The following GRM4 variants were observed in gnomAD, a reference collection of about 807,000 sequenced individuals.
GRM4 encodes metabotropic glutamate receptor 4.
GRM4 carries 28 observed loss-of-function variants against 81.7 expected under a neutral mutation model. The ratio of observed to expected loss-of-function variants is 0.34; its 90% CI spans 0.25 to 0.47. The LOEUF is 0.47. Ranked by LOEUF, GRM4 falls within the 20% of genes least tolerant of loss-of-function variation. The pLI, the probability that GRM4 is intolerant of heterozygous loss-of-function variation, is 1.00. For missense variants in GRM4, 948 were observed against 1,290.0 expected (o/e 0.73, Z 4.06); for synonymous variants, 488 against 528.8 (o/e 0.92, Z 1.06).
At chr6:34,107,859 C>G (rs1282750222) in intron 2 of GRM4, among the ~76,000 whole-genome samples, 3 of 152,152 alleles carry the variant, frequency 2.0e-5, no homozygotes. Flanking sequence ...GAAATACAAC[C>G]CTCCCTCAAA....
rs1400774645 is a variant in GRM4, at chr6:34,022,726, A to T, written c.*95T>A. On this transcript the variant is annotated 3_prime_UTR_variant, in exon 11 of 11. Coordinates refer to ENST00000538487, the MANE Select transcript of GRM4 (RefSeq NM_000841.4). This position sits in a 1 kb window ranked among gnomAD's most constrained non-coding sequence, Gnocchi z 5.6. The stretch of plus-strand genomic sequence containing the variant: ...GCCACGTCCGTGGGTGCCCACGGGC[A>T]GGCAAGACAGCTGGGCCCTTGGGTG... 2 of 1,122,094 alleles carry T rather than the reference A, an allele frequency of 1.8e-6. No individual in the cohort carries two copies. Among genetic ancestry groups the T allele is most frequent in the Admixed American group, 3.4e-5 (2 of 58,014 alleles). The allele number at this position is 1,122,094 out of a possible 1,614,324, so 69.5% of individuals were successfully genotyped here.
At chr6:34,113,553 G>T (rs1042470402) in intron 2 of GRM4, among the ~76,000 whole-genome samples, 13 of 152,190 alleles carry the variant, frequency 8.5e-5, no homozygotes, top group African/African-American at 2.9e-4. Context: ...AGTAGCTGGA[G>T]GTCCCAGCTT....
At chr6:34,039,885 A>C (rs1764912725) in intron 8 of GRM4, among the ~76,000 whole-genome samples, 1 of 142,610 alleles carries the variant, frequency 7.0e-6, no homozygotes, top group Non-Finnish European at 1.5e-5. Flanking sequence ...GAATTCTTCT[A>C]TCCAGAGTCC....
intron 2 of GRM4, among the ~76,000 whole-genome samples, chr6:34,112,903 C>G (rs912753477): frequency 1.3e-5 from 2 of 152,236 alleles, no homozygotes; most frequent in African/African-American, 4.8e-5. Context: ...CTCTTCCCTG[C>G]AGCTTTGAAT....
At chr6:34,033,098 A>G (rs1044238452) in intron 9 of GRM4, among the ~76,000 whole-genome samples, 2 of 152,126 alleles carry the variant, frequency 1.3e-5, no homozygotes, top group South Asian at 4.1e-4. Context: ...CTCAGCAGGG[A>G]GGGTCTCCCA....
chr6:34,073,751 G>A (rs1373388265), intron 3 of GRM4, among the ~76,000 whole-genome samples: 3 of 152,118 alleles, frequency 2.0e-5, no homozygotes, highest in East Asian at 1.9e-4. Flanking sequence ...TCCTTGCTGA[G>A]TCTCCCCAGT....
chr6:34,050,256 G>T (rs1394017812), intron 6 of GRM4, among the ~76,000 whole-genome samples: 2 of 152,162 alleles, frequency 1.3e-5, no homozygotes, highest in Non-Finnish European at 2.9e-5. Flanking sequence ...CGGCCTTCAG[G>T]TGTTTGCTCC....
In GRM4 at chr6:34,028,113, C is replaced by T. The variant is rs752200220; in HGVS notation, c.2689+7G>A. 4 of 1,608,440 alleles carry T rather than the reference C, an allele frequency of 2.5e-6. No homozygotes were observed. Among genetic ancestry groups the T allele is most frequent in the South Asian group, 2.2e-5 (2 of 90,654 alleles). ...CCCGAGAGGGCAGAACGGGGCCAGG[C>T]ACTCACCTGGGGCCTCAAGGTTCTC... On this transcript the variant is annotated splice_region_variant and intron_variant, in intron 10 of 10. Coordinates refer to ENST00000538487, the MANE Select transcript of GRM4 (RefSeq NM_000841.4).
intron 2 of GRM4, chr6:34,103,529 C>A (rs1251704267): frequency 4.3e-6 from 6 of 1,395,482 alleles, no homozygotes; most frequent in Non-Finnish European, 4.9e-6. Context: ...ATCCTCAAAT[C>A]AGCACTTGTC....
intron 6 of GRM4, chr6:34,054,045 T>G (rs1342960189): frequency 6.6e-6 from 1 of 152,158 alleles, no homozygotes; most frequent in East Asian, 1.9e-4. Flanking sequence ...AACGCTTCAC[T>G]TCCTTCTGGA....
intron 2 of GRM4, among the ~76,000 whole-genome samples, chr6:34,096,801 C>T (rs1262437334): frequency 1.3e-5 from 2 of 152,222 alleles, no homozygotes; most frequent in Admixed American, 6.5e-5. Context: ...AACCTCTCTC[C>T]CTCTCCCTCT....
intron 3 of GRM4, among the ~76,000 whole-genome samples, chr6:34,079,236 G>A (rs996238132): frequency 6.6e-6 from 1 of 152,110 alleles, no homozygotes; most frequent in Admixed American, 6.5e-5. Flanking sequence ...TTTCAGGAAG[G>A]CTGCCCCTCC....
chr6:34,046,930 G>A (rs533083426), intron 6 of GRM4, among the ~76,000 whole-genome samples: 1 of 152,250 alleles, frequency 6.6e-6, no homozygotes, highest in South Asian at 2.1e-4. Flanking sequence ...GGAGTAGGGA[G>A]TAAAACAAGG....
intron 2 of GRM4, chr6:34,110,539 C>A: frequency 1.9e-6 from 1 of 529,752 alleles, no homozygotes; most frequent in Non-Finnish European, 3.4e-6. Context: ...CGCAGAATAT[C>A]CTCCTTCACA....
chr6:34,123,970 G>C (rs1199246237), intron 2 of GRM4, among the ~76,000 whole-genome samples: 3 of 152,186 alleles, frequency 2.0e-5, no homozygotes, highest in Non-Finnish European at 4.4e-5. Flanking sequence ...GTGTGCAAAA[G>C]TCATCAGGGT....
chr6:34,044,485 TATAC>T (rs1446304024), intron 6 of GRM4, among the ~76,000 whole-genome samples: 82 of 146,246 alleles, frequency 5.6e-4, no homozygotes, highest in African/African-American at 2.1e-3. Context: ...TACATACACA[TATAC>T]ATAGACATAC....
chr6:34,056,377 C>T, intron 6 of GRM4, 167 bp downstream of exon 6: 1 of 620,614 alleles, frequency 1.6e-6, no homozygotes, highest in South Asian at 2.0e-5. Context: ...CCCCTCAAGG[C>T]CCCGCCCCAG....
At chr6:34,056,439 C>CACGACAGACAAA in intron 6 of GRM4, 105 bp downstream of exon 6, 1 of 1,069,454 alleles carries the variant, frequency 9.4e-7, no homozygotes, top group Non-Finnish European at 1.3e-6. Flanking sequence ...CTGCCACGGC[C>CACGACAGACAAA]GGCCGACGAC....
At chr6:34,094,990 C>G (rs1768436946) in intron 2 of GRM4, among the ~76,000 whole-genome samples, 1 of 152,210 alleles carries the variant, frequency 6.6e-6, no homozygotes, top group Non-Finnish European at 1.5e-5. Flanking sequence ...GGGCCAGACT[C>G]GTTAGAAGCC....
Sources: gnomAD v4.1 joint callset for allele counts (sites outside exome capture counted in the v4.1 genomes callset) on GRCh38, gnomAD v4.1.1 for gene constraint, Gnocchi (gnomAD v3.1) non-coding constraint, MANE v1.5 for transcripts, NCBI Gene and HGNC (gene_info 2026-07-23, HGNC 2026-07-21) for gene names.